Variants in DIP2B observed in about 807,000 individuals in gnomAD.
DIP2B encodes the protein DIP2 acetate--CoA ligase B (putative), also known as disco-interacting protein 2 homolog B.
A neutral mutation model predicts 198.0 loss-of-function variants in DIP2B; 76 were observed. The observed-to-expected ratio is 0.38, with a 90% confidence interval of 0.32 to 0.46. The LOEUF is 0.46. Among genes scored for constraint, DIP2B ranks in the 20% least tolerant of loss-of-function variants. The pLI is 0.99. For missense variants in DIP2B, 1,559 were observed against 1,978.4 expected (o/e 0.79, Z 4.02); for synonymous variants, 701 against 739.1 (o/e 0.95, Z 0.84).
intron 19 of DIP2B, among the ~76,000 whole-genome samples, chr12:50,702,003 C>A (rs1172814586): frequency 3.3e-5 from 5 of 152,030 alleles, no homozygotes; most frequent in African/African-American, 4.8e-5. Flanking sequence ...GTTGCTCATG[C>A]CTGTGATCCT....
intron 1 of DIP2B, among the ~76,000 whole-genome samples, chr12:50,619,156 C>G (rs1165475020): frequency 2.0e-5 from 3 of 152,216 alleles, no homozygotes. Context: ...AACCCTTGCT[C>G]TCTGTCCATT....
chr12:50,572,133 A>G (rs1203895251), intron 1 of DIP2B, among the ~76,000 whole-genome samples: 6 of 152,200 alleles, frequency 3.9e-5, no homozygotes, highest in Non-Finnish European at 8.8e-5. Context: ...GTAAAAATGA[A>G]GCACAACTTT....
In DIP2B at chr12:50,721,352, G is replaced by A; in HGVS notation, c.3122G>A (p.Gly1041Glu). The A allele has an allele frequency of 6.2e-7, 1 of 1,614,170 alleles. No homozygotes were observed. The highest frequency in any genetic ancestry group is 8.5e-7 in the Non-Finnish European group (1 of 1,180,024). Reference protein sequence around the residue: ...ERIASVLGDKGHLNAGDNVVL... With the variant: ...ERIASVLGDKEHLNAGDNVVL... ...ATTGCATCTGTTCTTGGTGATAAGG[G>A]ACATCTAAATGCAGGAGATAATGTG... The change falls in exon 26 of 38, where the codon GGA becomes GAA. Residue 1041 changes from glycine to glutamate, a missense_variant. Physicochemically the swap from Gly to Glu is moderately conservative, Grantham distance 98 (BLOSUM62 -2). Transcript: ENST00000301180.
chr12:50,658,216 A>G (rs927252356), intron 3 of DIP2B, among the ~76,000 whole-genome samples: 1 of 150,244 alleles, frequency 6.7e-6, no homozygotes. Context: ...GGCTCACTGC[A>G]ACCTCCGCCT....
chr12:50,514,253 C>A (rs946414456), intron 1 of DIP2B, among the ~76,000 whole-genome samples: 11 of 151,880 alleles, frequency 7.2e-5, no homozygotes, highest in Non-Finnish European at 1.6e-4. Context: ...TTAGTAGAGA[C>A]GGGGTTTCTC....
At chr12:50,534,071 C>A (rs1432371198) in intron 1 of DIP2B, among the ~76,000 whole-genome samples, 1 of 152,154 alleles carries the variant, frequency 6.6e-6, no homozygotes, top group African/African-American at 2.4e-5. Context: ...TACTCTAACT[C>A]ATTCCCCATG....
chr12:50,545,306 C>G (rs1434175069), intron 1 of DIP2B, among the ~76,000 whole-genome samples: 1 of 151,528 alleles, frequency 6.6e-6, no homozygotes, highest in Admixed American at 6.6e-5. Flanking sequence ...CTTGCTTGCT[C>G]TCTTCCTCCC....
rs1353902723 is a variant in DIP2B at position 50,578,632 on chromosome 12, C to T, written c.101-47344C>T. 2.6e-5 allele frequency among the ~76,000 whole-genome samples: 4 copies of T among 151,734 alleles called. No homozygotes were observed. In the South Asian group the frequency reaches 6.2e-4, roughly 24 times the overall value. On this transcript the variant is annotated intron_variant, in intron 1 of 37. Transcript: ENST00000301180. ...ATGCCATTCTCCTGCCTCAGCCTCCCGAGTAGCTGGGACTACAGGCGCCCG... is the reference window on the plus strand; with the variant it reads ...ATGCCATTCTCCTGCCTCAGCCTCCTGAGTAGCTGGGACTACAGGCGCCCG...
At chr12:50,602,240 T>C (rs1395277458) in intron 1 of DIP2B, among the ~76,000 whole-genome samples, 1 of 152,208 alleles carries the variant, frequency 6.6e-6, no homozygotes, top group East Asian at 1.9e-4. Context: ...AGTTAATACA[T>C]ACATATCTCT....
At chr12:50,640,289 AGACTT>A (rs1329510320) in intron 2 of DIP2B, among the ~76,000 whole-genome samples, 1 of 152,148 alleles carries the variant, frequency 6.6e-6, no homozygotes, top group Non-Finnish European at 1.5e-5. Flanking sequence ...AGGGGCTAAT[AGACTT>A]GACTTGAAGC....
chr12:50,573,231 A>C (rs967209803), intron 1 of DIP2B, among the ~76,000 whole-genome samples: 2 of 152,258 alleles, frequency 1.3e-5, no homozygotes, highest in African/African-American at 2.4e-5. Context: ...TTCATCAGCC[A>C]TAACAGTCAG....
rs757699738 is a variant in DIP2B, at chr12:50,698,367, T to C, written c.2088T>C (p.Ile696=). 88 of 1,613,634 alleles carry C rather than the reference T, an allele frequency of 5.5e-5. No homozygotes were observed. The highest frequency in any genetic ancestry group is 7.5e-5 in the Non-Finnish European group (88 of 1,179,824). Residue 696 remains isoleucine (I), a synonymous_variant, in exon 18 of 38, where the codon ATT becomes ATC. Transcript: ENST00000301180. The part of the protein sequence containing the change: ...VPGAPLPGRA[I]LSMNGLSYGV... The stretch of plus-strand genomic sequence containing the variant: ...GAGCCCCTTTGCCAGGAAGAGCCAT[T>C]CTCTCAATGAATGGATTGAGCTATG...
chr12:50,520,885 A>G (rs939353295), intron 1 of DIP2B, among the ~76,000 whole-genome samples: 8 of 151,972 alleles, frequency 5.3e-5, no homozygotes, highest in Admixed American at 5.2e-4. Context: ...TATTACAATC[A>G]TATGGGTTTC....
intron 1 of DIP2B, among the ~76,000 whole-genome samples, chr12:50,551,625 G>A (rs1177386223): frequency 6.8e-6 from 1 of 148,090 alleles, no homozygotes; most frequent in African/African-American, 2.7e-5. Context: ...TGAATATTTT[G>A]GGGAGATAAG....
intron 3 of DIP2B, among the ~76,000 whole-genome samples, chr12:50,645,459 CTTT>C (rs11454537): frequency 1.1e-4 from 15 of 137,974 alleles, no homozygotes; most frequent in Admixed American, 2.2e-4. Context: ...GTACAAAATC[CTTT>C]TTTTTTTTTT....
At chr12:50,609,103 A>T (rs558682763) in intron 1 of DIP2B, among the ~76,000 whole-genome samples, 2 of 152,302 alleles carry the variant, frequency 1.3e-5, no homozygotes, top group South Asian at 4.1e-4. Context: ...ATTGCACTCT[A>T]GCCTGTCTGA....
Position 50,745,719 on chromosome 12 carries a change from C to T in DIP2B, c.*880C>T, listed in dbSNP as rs1459842578. 2 of 152,592 alleles carry T rather than the reference C, an allele frequency of 1.3e-5. No individual in the cohort carries two copies. Among genetic ancestry groups the T allele is most frequent in the African/African-American group, 4.8e-5 (2 of 41,458 alleles). 9.5% of individuals were successfully genotyped at this position (152,592 alleles called of 1,614,324 possible). ...CTCAGTTTAAAAATCAAAATGTTAA[C>T]ACAAAGCTAAGATTCATCAGAGCCC... is the stretch of plus-strand genomic sequence containing the variant. On this transcript the variant is annotated 3_prime_UTR_variant, in exon 38 of 38. Transcript: ENST00000301180.
chr12:50,747,742 AAAC>A lies in DIP2B; in HGVS notation c.*2906_*2908del, dbSNP rs1227839515. 1.3e-5 allele frequency: 2 copies of A among 152,218 alleles called. No homozygotes were observed. Among genetic ancestry groups the A allele is most frequent in the African/African-American group, 2.4e-5 (1 of 41,456 alleles). The allele number at this position is 152,218 out of a possible 1,614,324, so 9.4% of individuals were successfully genotyped here. Reference sequence around the variant, plus strand: ...TTTTTAATGTCTGTGGAAAAAAACTAAACAAGTCTCTGTCTCAGTTAAGAGAAA... The same window carrying A: ...TTTTTAATGTCTGTGGAAAAAAACTAAAGTCTCTGTCTCAGTTAAGAGAAA... On this transcript the variant is annotated 3_prime_UTR_variant, in exon 38 of 38. Coordinates refer to ENST00000301180, the MANE Select transcript of DIP2B (RefSeq NM_173602.3).
chr12:50,693,658 AC>A (rs766808764), intron 14 of DIP2B, among the ~76,000 whole-genome samples: 7 of 152,178 alleles, frequency 4.6e-5, no homozygotes, highest in African/African-American at 7.2e-5. Context: ...CTTTTCTGAA[AC>A]CTTTTCCATT....
Sources: gnomAD v4.1 joint callset for allele counts (sites outside exome capture counted in the v4.1 genomes callset) on GRCh38, gnomAD v4.1.1 for gene constraint, MANE v1.5 for transcripts, NCBI Gene and HGNC (gene_info 2026-07-23, HGNC 2026-07-21) for gene names.